The following CLMP variants were observed in gnomAD, a reference collection of about 807,000 sequenced individuals.
The protein encoded by CLMP is CXADR-like membrane protein.
Under a neutral mutation model 45.2 loss-of-function variants are expected in CLMP, and 27 were observed. That is an observed-to-expected ratio of 0.60 (90% CI 0.44 to 0.82). CLMP has a LOEUF of 0.82. CLMP is among the 40% of genes least tolerant of loss of function. The pLI is 0.00. For synonymous variants in CLMP, 167 were observed against 171.4 expected (o/e 0.97, Z 0.20); for missense variants, 403 against 448.4 (o/e 0.90, Z 0.91).
chr11:123,126,439 G>A (rs1860896405), intron 1 of CLMP, among the ~76,000 whole-genome samples: 1 of 151,950 alleles, frequency 6.6e-6, no homozygotes, highest in Admixed American at 6.6e-5. Flanking sequence ...CCTATTTTTT[G>A]TAGAGACGGG....
At chr11:123,089,316 C>T (rs983738823) in intron 2 of CLMP, among the ~76,000 whole-genome samples, 6 of 151,266 alleles carry the variant, frequency 4.0e-5, no homozygotes, top group African/African-American at 7.3e-5. Context: ...GCCCAGGAGA[C>T]GAAGTTTGCA....
In CLMP at chr11:123,071,991, C is replaced by T. The variant is rs1450565931; in HGVS notation, c.*1483G>A. ...GATACAACTAAAATGTTAGCAGGCACTAGCTCAGCCCTCTCCTGCCACCCA... is the reference window on the plus strand; with the variant it reads ...GATACAACTAAAATGTTAGCAGGCATTAGCTCAGCCCTCTCCTGCCACCCA... On this transcript the variant is annotated 3_prime_UTR_variant, in exon 7 of 7. Coordinates refer to ENST00000448775, the MANE Select transcript of CLMP (RefSeq NM_024769.5). 6.6e-6 allele frequency: 1 copy of T among 152,242 alleles called. No homozygotes were observed. The highest frequency in any genetic ancestry group is 6.5e-5 in the Admixed American group (1 of 15,284). The allele number at this position is 152,242 out of a possible 1,614,324, so 9.4% of individuals were successfully genotyped here.
chr11:123,166,406 G>A (rs1250187148), intron 1 of CLMP, among the ~76,000 whole-genome samples: 1 of 152,240 alleles, frequency 6.6e-6, no homozygotes, highest in Non-Finnish European at 1.5e-5. Context: ...GTATCAGCCT[G>A]ACGGCTTCAA....
rs1865681170 is a variant in CLMP, at chr11:123,072,315, T to G, written c.*1159A>C. On this transcript the variant is annotated 3_prime_UTR_variant, in exon 7 of 7. Transcript: ENST00000448775. ...ACTTCCTTTTATCCTTCCTTGATTT[T>G]TTTTTTTTTTTGAGATGGAGTCTTG... is the stretch of plus-strand genomic sequence containing the variant. 1.3e-5 allele frequency: 2 copies of G among 151,956 alleles called. No individual in the cohort carries two copies. The highest frequency in any genetic ancestry group is 1.3e-4 in the Admixed American group (2 of 15,240). 9.4% of individuals were successfully genotyped at this position (151,956 alleles called of 1,614,324 possible).
chr11:123,135,400 A>C (rs924193563), intron 1 of CLMP, among the ~76,000 whole-genome samples: 1 of 152,186 alleles, frequency 6.6e-6, no homozygotes, highest in African/African-American at 2.4e-5. Context: ...ATATGGTCAA[A>C]GCTAAGGACT....
At chr11:123,082,706 G>A (rs1865820165) in intron 5 of CLMP, among the ~76,000 whole-genome samples, 1 of 151,102 alleles carries the variant, frequency 6.6e-6, no homozygotes, top group Non-Finnish European at 1.5e-5. Context: ...CGCCTCCCAG[G>A]TTCAGGAGAT....
At chr11:123,077,070 C>T (rs1865750140) in intron 5 of CLMP, among the ~76,000 whole-genome samples, 1 of 144,284 alleles carries the variant, frequency 6.9e-6, no homozygotes, top group Admixed American at 7.3e-5. Context: ...GCGATCTCAG[C>T]TCACTGCAAC....
At chr11:123,144,442 GC>G (rs879376214) in intron 1 of CLMP, among the ~76,000 whole-genome samples, 6 of 152,178 alleles carry the variant, frequency 3.9e-5, no homozygotes, top group Non-Finnish European at 8.8e-5. Context: ...TGCAATCTCG[GC>G]TCACTGCAAC....
At chr11:123,182,182 C>A (rs143759834) in intron 1 of CLMP, among the ~76,000 whole-genome samples, 1 of 152,160 alleles carries the variant, frequency 6.6e-6, no homozygotes, top group African/African-American at 2.4e-5. Flanking sequence ...CACACAGCAC[C>A]GATTTAAAAG....
Position 123,070,366 on chromosome 11 carries a change from A to C in CLMP, c.*3108T>G, listed in dbSNP as rs1423607304. The C allele has an allele frequency of 6.6e-6, 1 of 152,228 alleles. No individual in the cohort carries two copies. The highest frequency in any genetic ancestry group is 1.5e-5 in the Non-Finnish European group (1 of 68,048). The allele number at this position is 152,228 out of a possible 1,614,324, so 9.4% of individuals were successfully genotyped here. On this transcript the variant is annotated 3_prime_UTR_variant, in exon 7 of 7. Coordinates refer to ENST00000448775, the MANE Select transcript of CLMP (RefSeq NM_024769.5). ...ATCATTGCTAAGACTTGAACAGTTT[A>C]TCTCTCAGAATCTTCAGTTCCTTTG...
At chr11:123,179,770 G>C (rs1329366603) in intron 1 of CLMP, among the ~76,000 whole-genome samples, 1 of 152,324 alleles carries the variant, frequency 6.6e-6, no homozygotes, top group South Asian at 2.1e-4. Flanking sequence ...AGAGCTTTGG[G>C]CTGGGAGCCA....
chr11:123,174,607 C>T lies in CLMP; in HGVS notation c.28+20306G>A, dbSNP rs376004342. Among the ~76,000 whole-genome samples, 8 of 152,322 alleles carry T rather than the reference C, an allele frequency of 5.3e-5. No individual in the cohort carries two copies. The East Asian group carries it at 1.5e-3, about 29-fold the overall frequency. On this transcript the variant is annotated intron_variant, in intron 1 of 6. Coordinates refer to ENST00000448775, the MANE Select transcript of CLMP (RefSeq NM_024769.5). Reference sequence around the variant, plus strand: ...CTCCTTCCTCCTTTGGAAGATGTGTCTGGTCTCTGGGGAGACTTTTGCAAT... The same window carrying T: ...CTCCTTCCTCCTTTGGAAGATGTGTTTGGTCTCTGGGGAGACTTTTGCAAT...
intron 1 of CLMP, among the ~76,000 whole-genome samples, chr11:123,102,750 T>A (rs1450718935): frequency 1.5e-5 from 2 of 132,630 alleles, no homozygotes; most frequent in East Asian, 4.4e-4. Flanking sequence ...AGAGACAGGA[T>A]TTCACCATGT....
At chr11:123,154,197 C>G (rs2135528394) in intron 1 of CLMP, among the ~76,000 whole-genome samples, 1 of 152,238 alleles carries the variant, frequency 6.6e-6, no homozygotes, top group East Asian at 1.9e-4. Context: ...CCTCTCTCAC[C>G]CCCTCCTCCA....
intron 2 of CLMP, among the ~76,000 whole-genome samples, chr11:123,086,075 C>T (rs1865863254): frequency 6.6e-6 from 1 of 151,896 alleles, no homozygotes; most frequent in Admixed American, 6.6e-5. Flanking sequence ...CTGCGCCTGG[C>T]CCTAATTTTT....
At chr11:123,156,576 G>A (rs772973644) in intron 1 of CLMP, among the ~76,000 whole-genome samples, 9 of 152,224 alleles carry the variant, frequency 5.9e-5, no homozygotes, top group Non-Finnish European at 1.2e-4. Context: ...GATGGAAGAA[G>A]TGAGGGAGAG....
intron 2 of CLMP, among the ~76,000 whole-genome samples, chr11:123,090,249 G>C (rs1370440971): frequency 3.4e-5 from 5 of 146,792 alleles, no homozygotes; most frequent in African/African-American, 1.3e-4. Flanking sequence ...ATTGAGACCA[G>C]CCTGGCCAAC....
intron 2 of CLMP, among the ~76,000 whole-genome samples, chr11:123,089,192 T>G (rs11218973): frequency 6.6e-6 from 1 of 151,234 alleles, no homozygotes; most frequent in East Asian, 2.0e-4. Flanking sequence ...CCAGACGAGC[T>G]TGGCCAACGT....
chr11:123,077,009 T>TTTTTTTG (rs1865749106), intron 5 of CLMP, among the ~76,000 whole-genome samples: 1 of 128,410 alleles, frequency 7.8e-6, no homozygotes, highest in Non-Finnish European at 1.7e-5. Context: ...TTTTTTTTTT[T>TTTTTTTG]TTTTTTGAGA....
Sources: gnomAD v4.1 joint callset for allele counts (sites outside exome capture counted in the v4.1 genomes callset) on GRCh38, gnomAD v4.1.1 for gene constraint, MANE v1.5 for transcripts, NCBI Gene and HGNC (gene_info 2026-07-23, HGNC 2026-07-21) for gene names.